The following ADAM23 variants were observed in gnomAD, a reference collection of about 807,000 sequenced individuals.
ADAM23 encodes disintegrin and metalloproteinase domain-containing protein 23.
In ADAM23, 33 loss-of-function variants were observed where a neutral mutation model predicts 120.1. The observed-to-expected ratio is 0.27, with a 90% confidence interval of 0.21 to 0.37. The LOEUF is 0.37. Among genes scored for constraint, ADAM23 ranks in the 10% least tolerant of loss-of-function variants. The probability of loss-of-function intolerance (pLI) is 1.00; values close to 1 mark genes in which losing one functional copy is unlikely to be tolerated. For missense variants in ADAM23, 862 were observed against 1,058.2 expected (o/e 0.81, Z 2.57); for synonymous variants, 367 against 375.2 (o/e 0.98, Z 0.25).
intron 18 of ADAM23, among the ~76,000 whole-genome samples, chr2:206,585,793 T>C (rs539282592): frequency 3.4e-4 from 51 of 152,030 alleles, no homozygotes; most frequent in Non-Finnish European, 6.5e-4. Flanking sequence ...ACTTATGAAT[T>C]GTCAGTTGGT....
intron 25 of ADAM23, among the ~76,000 whole-genome samples, chr2:206,611,625 A>C (rs564392219): frequency 2.0e-5 from 3 of 152,294 alleles, no homozygotes; most frequent in South Asian, 2.1e-4. Context: ...AAAACAGTCT[A>C]TTACACGTCT....
chr2:206,550,718 C>T (rs1342198098), intron 9 of ADAM23, among the ~76,000 whole-genome samples: 3 of 151,750 alleles, frequency 2.0e-5, no homozygotes, highest in Non-Finnish European at 4.4e-5. Context: ...TCTCCTGCCT[C>T]AGCCTCCCGA....
chr2:206,617,416 C>G (rs1698955213), intron 25 of ADAM23, among the ~76,000 whole-genome samples, 163 bp from the exon 26 acceptor site: 1 of 152,214 alleles, frequency 6.6e-6, no homozygotes, highest in African/African-American at 2.4e-5. Flanking sequence ...GCTGTTCTGT[C>G]TTTCAATTTC....
In ADAM23 at chr2:206,618,059, G is replaced by T. The variant is rs189278725; in HGVS notation, c.*432G>T. The T allele has an allele frequency of 4.4e-3, 688 of 157,266 alleles. 5 individuals are homozygous for T. Among genetic ancestry groups the T allele is most frequent in the Non-Finnish European group, 6.8e-3 (485 of 71,344 alleles). 9.7% of individuals were successfully genotyped at this position (157,266 alleles called of 1,614,324 possible). On this transcript the variant is annotated 3_prime_UTR_variant, in exon 26 of 26. Transcript: ENST00000264377. ...TCTTTACTACCGATGACAAACTCCA[G>T]TGGCATGAAGATCTAATTTTCAAAA...
chr2:206,578,920 T>C (rs909787929), intron 18 of ADAM23, among the ~76,000 whole-genome samples: 2 of 152,108 alleles, frequency 1.3e-5, no homozygotes, highest in Non-Finnish European at 2.9e-5. Context: ...TTTATTTTTT[T>C]ATTATGGCCA....
At chr2:206,451,181 G>A (rs1347101139) in intron 2 of ADAM23, among the ~76,000 whole-genome samples, 1 of 152,214 alleles carries the variant, frequency 6.6e-6, no homozygotes, top group Non-Finnish European at 1.5e-5. Flanking sequence ...AGGTGCAAAG[G>A]CCTGACTTGC....
At chr2:206,523,007 A>AT (rs1196484242) in intron 3 of ADAM23, among the ~76,000 whole-genome samples, 1 of 151,990 alleles carries the variant, frequency 6.6e-6, no homozygotes. Flanking sequence ...TTATTTAAAG[A>AT]TTTTTCTTCT....
At chr2:206,573,522 A>G (rs1574542233) in intron 18 of ADAM23, among the ~76,000 whole-genome samples, 1 of 152,202 alleles carries the variant, frequency 6.6e-6, no homozygotes, top group African/African-American at 2.4e-5. Flanking sequence ...CATGTGGACA[A>G]TCAGTGGTTG....
chr2:206,602,892 G>A (rs1348974419), intron 24 of ADAM23, among the ~76,000 whole-genome samples: 5 of 152,052 alleles, frequency 3.3e-5, no homozygotes, highest in Non-Finnish European at 5.9e-5. Flanking sequence ...ATGGAAATAA[G>A]CAAGTAAACA....
In ADAM23 at chr2:206,560,602, A is replaced by G. The variant is rs188449086; in HGVS notation, c.1169+484A>G. Among the ~76,000 whole-genome samples the G allele has an allele frequency of 2.6e-4, 40 of 152,242 alleles. 2 individuals are homozygous for G. Among genetic ancestry groups the G allele is most frequent in the Admixed American group, 2.6e-3 (40 of 15,306 alleles). ...AGATGAACTATTCAGTTGAGTTTCT[A>G]CTACTAAGGAAAAAGGGTTCTATAC... is the stretch of plus-strand genomic sequence containing the variant. On this transcript the variant is annotated intron_variant, in intron 11 of 25. Transcript: ENST00000264377.
intron 2 of ADAM23, among the ~76,000 whole-genome samples, chr2:206,449,102 G>A (rs1156864822): frequency 1.3e-5 from 2 of 152,070 alleles, no homozygotes; most frequent in Non-Finnish European, 2.9e-5. Flanking sequence ...ACATCGAGGT[G>A]GTATGTGATG....
intron 1 of ADAM23, among the ~76,000 whole-genome samples, chr2:206,444,760 T>G (rs1695041944): frequency 6.6e-6 from 1 of 152,226 alleles, no homozygotes; most frequent in Non-Finnish European, 1.5e-5. Flanking sequence ...CAAAGTATGT[T>G]TGCTCATCTT....
At chr2:206,579,397 A>T (rs983867796) in intron 18 of ADAM23, among the ~76,000 whole-genome samples, 1 of 151,888 alleles carries the variant, frequency 6.6e-6, no homozygotes, top group South Asian at 2.1e-4. Flanking sequence ...ATCCATCTTG[A>T]GTTGATTTTT....
At chr2:206,481,969 G>C (rs1050003325) in intron 3 of ADAM23, among the ~76,000 whole-genome samples, 2 of 152,186 alleles carry the variant, frequency 1.3e-5, no homozygotes, top group African/African-American at 4.8e-5. Flanking sequence ...TTTCTTTGGT[G>C]AAAGAGATTT....
At chr2:206,565,604 A>G (rs1375763033) in intron 14 of ADAM23, among the ~76,000 whole-genome samples, 1 of 152,222 alleles carries the variant, frequency 6.6e-6, no homozygotes, top group East Asian at 1.9e-4. Context: ...TTTGGGAACT[A>G]GAGCAGCTTC....
chr2:206,479,427 G>C (rs1015385250), intron 2 of ADAM23, among the ~76,000 whole-genome samples: 5 of 152,046 alleles, frequency 3.3e-5, no homozygotes, highest in Non-Finnish European at 5.9e-5. Context: ...CATCTCTACT[G>C]TATAATATTC....
intron 6 of ADAM23, among the ~76,000 whole-genome samples, chr2:206,545,593 G>A (rs1697382067): frequency 6.6e-6 from 1 of 152,160 alleles, no homozygotes; most frequent in South Asian, 2.1e-4. Flanking sequence ...TTATGGCGAT[G>A]TATGTATGAA....
chr2:206,608,960 T>C (rs1015080028), intron 24 of ADAM23, among the ~76,000 whole-genome samples: 2 of 152,212 alleles, frequency 1.3e-5, no homozygotes, highest in Admixed American at 6.5e-5. Context: ...GGGGACACTG[T>C]ACCTGCATGT....
chr2:206,566,299 A>G (rs1697876945), intron 14 of ADAM23, among the ~76,000 whole-genome samples: 1 of 151,788 alleles, frequency 6.6e-6, no homozygotes, highest in Non-Finnish European at 1.5e-5. Context: ...ATATTTTTCT[A>G]AGAGGTTCCT....
Sources: gnomAD v4.1 joint callset for allele counts (sites outside exome capture counted in the v4.1 genomes callset) on GRCh38, gnomAD v4.1.1 for gene constraint, MANE v1.5 for transcripts, NCBI Gene and HGNC (gene_info 2026-07-23, HGNC 2026-07-21) for gene names.